The following LYPD5 variants were observed in gnomAD, a reference collection of about 807,000 sequenced individuals.
LYPD5 encodes LY6/PLAUR domain containing 5, also known as ly6/PLAUR domain-containing protein 5.
A neutral mutation model predicts 19.1 loss-of-function variants in LYPD5; 21 were observed. The ratio of observed to expected loss-of-function variants is 1.10; its 90% CI spans 0.78 to 1.58. LYPD5 has a LOEUF of 1.58. Among genes scored for constraint, LYPD5 ranks in the 40% most tolerant of loss-of-function variants. LYPD5 has a pLI of 0.00. For synonymous variants in LYPD5, 128 were observed against 142.7 expected, an observed-to-expected ratio of 0.90 and a Z score of 0.74; for missense variants, 287 against 329.8, an observed-to-expected ratio of 0.87 and a Z score of 1.00.
chr19:43,808,651 A>T (rs1242712259), intron 1 of LYPD5, among the ~76,000 whole-genome samples: 1 of 152,198 alleles, frequency 6.6e-6, no homozygotes, highest in Non-Finnish European at 1.5e-5. Context: ...GTTCTGCTCA[A>T]TAATTAATGG....
intron 1 of LYPD5, among the ~76,000 whole-genome samples, chr19:43,809,446 T>C (rs10401728): frequency 0.095 from 14,455 of 152,040 alleles, 849 homozygotes; most frequent in Non-Finnish European, 0.13. Context: ...AATGGCGAAA[T>C]CTTGGCTCAC....
At chr19:43,808,655 T>C (rs1970291778) in intron 1 of LYPD5, among the ~76,000 whole-genome samples, 1 of 152,226 alleles carries the variant, frequency 6.6e-6, no homozygotes, top group Non-Finnish European at 1.5e-5. Flanking sequence ...TGCTCAATAA[T>C]TAATGGATCT....
upstream of LYPD5, among the ~76,000 whole-genome samples, chr19:43,806,387 G>C (rs1970270522): frequency 6.6e-6 from 1 of 152,142 alleles, no homozygotes; most frequent in South Asian, 2.1e-4. Flanking sequence ...AGTGGGCCAA[G>C]CGTGGTGGCT....
intron 1 of LYPD5, among the ~76,000 whole-genome samples, chr19:43,819,283 CT>C (rs560659624): frequency 0.13 from 14,368 of 110,180 alleles, 496 homozygotes; most frequent in Non-Finnish European, 0.16. Flanking sequence ...TCTTCTTCTT[CT>C]TTTTTTTTTT....
At position 43,797,232 on chromosome 19, in the gene LYPD5, T is replaced by C; in HGVS notation, c.*359A>G. ...TCTCATGATGACACTAATAAAGACA[T>C]CATTGTATAGCTCCCTCCTAGAGCT... is the stretch of plus-strand genomic sequence containing the variant. On this transcript the variant is annotated 3_prime_UTR_variant, in exon 5 of 5. Transcript: ENST00000377950. 4.4e-6 allele frequency: 1 copy of C among 228,464 alleles called. No homozygotes were observed. Among genetic ancestry groups the C allele is most frequent in the South Asian group, 9.7e-5 (1 of 10,280 alleles). 14.2% of individuals were successfully genotyped at this position (228,464 alleles called of 1,614,324 possible).
intron 2 of LYPD5, among the ~76,000 whole-genome samples, chr19:43,799,427 T>A (rs1007614139): frequency 1.1e-4 from 16 of 152,110 alleles, no homozygotes; most frequent in African/African-American, 3.6e-4. Context: ...GTATATTTAG[T>A]AGAGACGGGG....
chr19:43,813,188 G>T (rs1970341421), intron 1 of LYPD5, among the ~76,000 whole-genome samples: 1 of 152,212 alleles, frequency 6.6e-6, no homozygotes, highest in South Asian at 2.1e-4. Flanking sequence ...GCTGCTAGCA[G>T]ATTGGGTACT....
intron 1 of LYPD5, among the ~76,000 whole-genome samples, chr19:43,800,869 G>A (rs1970213607): frequency 6.6e-6 from 1 of 151,748 alleles, no homozygotes; most frequent in Non-Finnish European, 1.5e-5. Flanking sequence ...TCTGAGGCAC[G>A]AGAATTGCTG....
chr19:43,800,828 G>A (rs1190132314), intron 1 of LYPD5, among the ~76,000 whole-genome samples: 1 of 151,892 alleles, frequency 6.6e-6, no homozygotes, highest in African/African-American at 2.4e-5. Context: ...GGGCATGGTG[G>A]TGCACGCCTG....
Position 43,797,737 on chromosome 19 carries a change from G to T in LYPD5, c.610C>A (p.Gln204Lys). The T allele has an allele frequency of 6.2e-7, 1 of 1,613,946 alleles. No individual in the cohort carries two copies. The change falls in exon 5 of 5, where the codon CAG (glutamine) becomes AAG (lysine). Residue 204 changes from glutamine to lysine, a missense_variant. By Grantham distance (53) the Gln-to-Lys change is moderately conservative (BLOSUM62 1). Coordinates refer to ENST00000377950, the MANE Select transcript of LYPD5 (RefSeq NM_001031749.3). ...AGGTACCCCTCACAGCAGGAGCCCT[G>T]GAGGTCGATGGCTGTCCAGGGGCTG... ...TTSPWTAIDL[Q>K]GSCCEGYLCN...
At chr19:43,817,412 C>G (rs1390732706) in intron 1 of LYPD5, among the ~76,000 whole-genome samples, 1 of 152,162 alleles carries the variant, frequency 6.6e-6, no homozygotes, top group Admixed American at 6.6e-5. Context: ...AATGCACATT[C>G]CCAGATTCAA....
chr19:43,799,972 G>T, intron 1 of LYPD5, 138 bp from the exon 2 acceptor site: 1 of 1,008,952 alleles, frequency 9.9e-7, no homozygotes, highest in Non-Finnish European at 1.4e-6. Flanking sequence ...GAGACCAGGT[G>T]CTGCTATTGC....
At position 43,797,167 on chromosome 19, in the gene LYPD5, C is replaced by G. The variant is rs1272568741; in HGVS notation, c.*424G>C. ...GAACCCATGCAGCTTAGCTCCAGAGCCTGGCCTACTAACTGTTAGGGCATA... is the reference window on the plus strand; with the variant it reads ...GAACCCATGCAGCTTAGCTCCAGAGGCTGGCCTACTAACTGTTAGGGCATA... On this transcript the variant is annotated 3_prime_UTR_variant, in exon 5 of 5. Transcript: ENST00000377950. 1 of 158,938 alleles carries G rather than the reference C, an allele frequency of 6.3e-6. No homozygotes were observed. Among genetic ancestry groups the G allele is most frequent in the Non-Finnish European group, 1.4e-5 (1 of 72,762 alleles). The allele number at this position is 158,938 out of a possible 1,614,324, so 9.8% of individuals were successfully genotyped here. A position where few individuals can be genotyped will look rare whatever the true frequency, so the allele number is the denominator to read the frequency against.
rs369228058 is a variant in LYPD5 at position 43,797,617 on chromosome 19, G to T, written c.730C>A (p.Leu244Ile). The T allele has an allele frequency of 2.5e-6, 4 of 1,610,208 alleles. No individual in the cohort carries two copies. Among genetic ancestry groups the T allele is most frequent in the Non-Finnish European group, 2.5e-6 (3 of 1,177,454 alleles). ...LQVLALLLPV[L>I]LLVGLSA The stretch of plus-strand genomic sequence containing the variant: ...TATGCTGAGAGCCCCACCAGCAGGA[G>T]GACTGGGAGGAGCAGGGCCAGGACC... Residue 244 changes from leucine (L) to isoleucine (I), a missense_variant, in exon 5 of 5, where the codon CTC becomes ATC. Coordinates refer to ENST00000377950, the MANE Select transcript of LYPD5 (RefSeq NM_001031749.3).
Position 43,797,534 on chromosome 19 carries a change from C to T in LYPD5, c.*57G>A. ...TTTCCAGTGAGCTATGTGATAGGGGCTGAAGCAGCAAGAATGAGGTGTGTG... is the reference window on the plus strand; with the variant it reads ...TTTCCAGTGAGCTATGTGATAGGGGTTGAAGCAGCAAGAATGAGGTGTGTG... On this transcript the variant is annotated 3_prime_UTR_variant, in exon 5 of 5. Coordinates refer to ENST00000377950, the MANE Select transcript of LYPD5 (RefSeq NM_001031749.3). 5 of 1,335,334 alleles carry T rather than the reference C, an allele frequency of 3.7e-6. No individual in the cohort carries two copies. The highest frequency in any genetic ancestry group is 5.2e-6 in the Non-Finnish European group (5 of 958,034). 82.7% of individuals were successfully genotyped at this position (1,335,334 alleles called of 1,614,324 possible). A position where few individuals can be genotyped will look rare whatever the true frequency, so the allele number is the denominator to read the frequency against.
At chr19:43,814,760 TGA>T (rs1288793287) in intron 1 of LYPD5, among the ~76,000 whole-genome samples, 8 of 152,218 alleles carry the variant, frequency 5.3e-5, no homozygotes, top group Non-Finnish European at 8.8e-5. Flanking sequence ...GTCAGTGACA[TGA>T]GAGTCTGAGC....
chr19:43,814,367 A>G (rs531487628), intron 1 of LYPD5, among the ~76,000 whole-genome samples: 5 of 152,228 alleles, frequency 3.3e-5, no homozygotes, highest in East Asian at 1.9e-4. Flanking sequence ...AGTGGTGCAC[A>G]CCTGTAGTCC....
chr19:43,812,120 GAACTTT>G (rs1970328781), intron 1 of LYPD5, among the ~76,000 whole-genome samples: 1 of 152,150 alleles, frequency 6.6e-6, no homozygotes, highest in African/African-American at 2.4e-5. Flanking sequence ...TGGCTAGCTT[GAACTTT>G]ATCACATGGG....
rs774978183 is a variant in LYPD5 at position 43,799,029 on chromosome 19, C to G, written c.194-41G>C. 24 of 1,517,108 alleles carry G rather than the reference C, an allele frequency of 1.6e-5. No individual in the cohort carries two copies. The African/African-American group carries it at 3.2e-4, about 20-fold the overall frequency. 94.0% of individuals were successfully genotyped at this position (1,517,108 alleles called of 1,614,324 possible). A position where few individuals can be genotyped will look rare whatever the true frequency, so the allele number is the denominator to read the frequency against. On this transcript the variant is annotated intron_variant, in intron 2 of 4. Transcript: ENST00000377950. ...GGGCTCGTGCTCTGCTTCCCGAAAC[C>G]CTTCTCCCTCCAGTCTCAGCGTTCT...
Sources: allele counts gnomAD v4.1 joint callset (sites outside exome capture counted in the v4.1 genomes callset), GRCh38; gene constraint gnomAD v4.1.1; transcripts MANE v1.5; gene names NCBI Gene and HGNC (gene_info 2026-07-23, HGNC 2026-07-21).